Variants in ZBTB21 observed in about 807,000 individuals in gnomAD.
ZBTB21 encodes the protein zinc finger and BTB domain-containing protein 21.
A neutral mutation model predicts 39.8 loss-of-function variants in ZBTB21; 10 were observed. The observed-to-expected ratio is 0.25, with a 90% CI of 0.16 to 0.43. The LOEUF is 0.43. Ranked by LOEUF, ZBTB21 falls within the 20% of genes least tolerant of loss-of-function variation. The probability of loss-of-function intolerance (pLI) is 1.00; values close to 1 mark genes in which losing one functional copy is unlikely to be tolerated. For synonymous variants in ZBTB21, 551 were observed against 498.8 expected, an observed-to-expected ratio of 1.10 and a Z score of -1.40; for missense variants, 1,221 against 1,296.3, an observed-to-expected ratio of 0.94 and a Z score of 0.89.
chr21:42,001,376 G>A (rs1601650335), intron 2 of ZBTB21, among the ~76,000 whole-genome samples: 1 of 152,368 alleles, frequency 6.6e-6, no homozygotes, highest in East Asian at 1.9e-4. Context: ...CATCTGTCTA[G>A]TGTGTGCTAG....
intron 2 of ZBTB21, among the ~76,000 whole-genome samples, chr21:41,999,975 G>T (rs1162363701): frequency 6.6e-6 from 1 of 152,186 alleles, no homozygotes; most frequent in Non-Finnish European, 1.5e-5. Flanking sequence ...CTGTTGTTGA[G>T]ATTAGACAAC....
chr21:41,995,705 G>A (rs2146298837), intron 2 of ZBTB21, among the ~76,000 whole-genome samples: 1 of 152,372 alleles, frequency 6.6e-6, no homozygotes, highest in East Asian at 1.9e-4. Context: ...AATGTCTCCA[G>A]GACATGTCAG....
intron 1 of ZBTB21, among the ~76,000 whole-genome samples, chr21:42,008,311 T>C (rs2065905033): frequency 1.7e-5 from 2 of 120,490 alleles, no homozygotes; most frequent in Non-Finnish European, 3.2e-5. Context: ...CTCAAGGCCA[T>C]CCTGGTCAAC....
At chr21:42,002,472 C>A (rs1286331590) in intron 2 of ZBTB21, 1 of 152,112 alleles carries the variant, frequency 6.6e-6, no homozygotes, top group African/African-American at 2.4e-5. Context: ...TACACCGAAT[C>A]CTCAAAAACT....
chr21:41,998,460 G>A (rs2146311457), intron 2 of ZBTB21, among the ~76,000 whole-genome samples: 1 of 152,200 alleles, frequency 6.6e-6, no homozygotes, highest in South Asian at 2.1e-4. Flanking sequence ...CAAAGTGCTG[G>A]GATTACAGGT....
At chr21:41,996,111 G>A (rs146083976) in intron 2 of ZBTB21, among the ~76,000 whole-genome samples, 3,651 of 152,346 alleles carry the variant, frequency 0.024, 142 homozygotes, top group African/African-American at 0.083. Flanking sequence ...AGGGAAATGT[G>A]GGGTTGAAGC....
In ZBTB21 at chr21:41,993,231, G is replaced by C; in HGVS notation, c.865C>G (p.Pro289Ala). 6.2e-7 allele frequency: 1 copy of C among 1,611,708 alleles called. No individual in the cohort carries two copies. Among genetic ancestry groups the C allele is most frequent in the Non-Finnish European group, 8.5e-7 (1 of 1,180,012 alleles). Residue 289 changes from proline to alanine, a missense_variant, in exon 3 of 3, where the codon CCC (proline) becomes GCC (alanine). This residue lies in a region of ZBTB21 where 500 missense variants were observed against 465.6 expected (regional missense o/e 1.07). Coordinates refer to ENST00000310826, the MANE Select transcript of ZBTB21 (RefSeq NM_001098402.2). The stretch of plus-strand genomic sequence containing the variant: ...TTGTTAGTTTCTTTTAATAGATAGG[G>C]AGTCTCTGATGAGCTACAAACAGAC... ...VLSVCSSSET[P>A]YLLKETNKGN...
At chr21:42,004,465 C>T (rs901461464) in intron 1 of ZBTB21, among the ~76,000 whole-genome samples, 31 of 151,962 alleles carry the variant, frequency 2.0e-4, no homozygotes, top group Non-Finnish European at 7.4e-5. Context: ...GAAAGCAAAG[C>T]GACTTGGCAC....
rs745720780 is a variant in ZBTB21, at chr21:41,991,756, G to A, written c.2340C>T (p.Cys780=). 1 of 1,614,232 alleles carries A rather than the reference G, an allele frequency of 6.2e-7. No individual in the cohort carries two copies. Among genetic ancestry groups the A allele is most frequent in the South Asian group, 1.1e-5 (1 of 91,080 alleles). Residue 780 remains cysteine (C), a synonymous_variant, in exon 3 of 3, where the codon TGC becomes TGT. Coordinates refer to ENST00000310826, the MANE Select transcript of ZBTB21 (RefSeq NM_001098402.2). The surrounding 1 kb of genome is among the most constrained non-coding windows in gnomAD (Gnocchi z 4.9). ...CEYKKLTCLE[C]MRTFKSSFSI... Reference sequence around the variant, plus strand: ...TGAAAGAGGACTTGAAGGTGCGCATGCACTCGAGGCAGGTCAGCTTCTTAT... The same window carrying A: ...TGAAAGAGGACTTGAAGGTGCGCATACACTCGAGGCAGGTCAGCTTCTTAT...
At chr21:42,008,548 AAAAAAAAAAAAAAAGAAAAAAAG>A (rs2065911501) in intron 1 of ZBTB21, among the ~76,000 whole-genome samples, 1 of 132,434 alleles carries the variant, frequency 7.6e-6, no homozygotes. Flanking sequence ...GTCAAAAAAA[AAAAAAAAAAAAAAAGAAAAAAAG>A]AAAAGAAAAG....
chr21:41,990,591 T>G lies in ZBTB21; in HGVS notation c.*304A>C. The G allele has an allele frequency of 5.1e-6, 1 of 196,204 alleles. No homozygotes were observed. Among genetic ancestry groups the G allele is most frequent in the Non-Finnish European group, 1.0e-5 (1 of 97,808 alleles). The allele number at this position is 196,204 out of a possible 1,614,324, so 12.2% of individuals were successfully genotyped here. A position where few individuals can be genotyped will look rare whatever the true frequency, so the allele number is the denominator to read the frequency against. The stretch of plus-strand genomic sequence containing the variant: ...TAAAAAACCAAAAACCTCAATTAAA[T>G]GATTATACTGACACCATGGAATGAG... On this transcript the variant is annotated 3_prime_UTR_variant, in exon 3 of 3. Transcript: ENST00000310826.
chr21:41,990,330 AAG>A lies in ZBTB21; in HGVS notation c.*563_*564del, dbSNP rs1234412374. ...AAATTTCTCACAATTTTCATACAAA[AAG>A]AAGTTTTACATGACCACAAAATACC... On this transcript the variant is annotated 3_prime_UTR_variant, in exon 3 of 3. Transcript: ENST00000310826. The A allele has an allele frequency of 1.3e-5, 2 of 152,650 alleles. No homozygotes were observed. Among genetic ancestry groups the A allele is most frequent in the African/African-American group, 2.4e-5 (1 of 41,452 alleles). 9.5% of individuals were successfully genotyped at this position (152,650 alleles called of 1,614,324 possible).
intron 1 of ZBTB21, among the ~76,000 whole-genome samples, chr21:42,006,246 C>G (rs185652226): frequency 6.6e-6 from 1 of 152,040 alleles, no homozygotes; most frequent in Admixed American, 6.5e-5. Context: ...AATACCCTGT[C>G]TCTACTAAAA....
chr21:42,001,263 A>G (rs899224445), intron 2 of ZBTB21, among the ~76,000 whole-genome samples: 1 of 152,212 alleles, frequency 6.6e-6, no homozygotes, highest in African/African-American at 2.4e-5. Flanking sequence ...TCTGAACTAG[A>G]CAGTGTCATC....
chr21:41,991,738 G>A lies in ZBTB21; in HGVS notation c.2358C>T (p.Ser786=), dbSNP rs1026237869. The change falls in exon 3 of 3, where the codon TCC becomes TCT. Residue 786 remains serine, a synonymous_variant. Coordinates refer to ENST00000310826, the MANE Select transcript of ZBTB21 (RefSeq NM_001098402.2). The surrounding 1 kb of genome is among the most constrained non-coding windows in gnomAD (Gnocchi z 4.9). ...CCTGGTGCCGCCAGATGCTGAAAGA[G>A]GACTTGAAGGTGCGCATGCACTCGA... is the stretch of plus-strand genomic sequence containing the variant. ...TCLECMRTFK[S]SFSIWRHQVE... 6.2e-7 allele frequency: 1 copy of A among 1,614,216 alleles called. No homozygotes were observed. Among genetic ancestry groups the A allele is most frequent in the African/African-American group, 1.3e-5 (1 of 75,044 alleles).
At chr21:41,998,244 T>C (rs1426737912) in intron 2 of ZBTB21, among the ~76,000 whole-genome samples, 4 of 150,664 alleles carry the variant, frequency 2.7e-5, no homozygotes, top group African/African-American at 7.3e-5. Flanking sequence ...CAGGCTGGAG[T>C]GCAATGACTC....
rs2065608059 is a variant in ZBTB21 at position 41,988,524 on chromosome 21, T to C, written c.*2371A>G. 1 of 152,092 alleles carries C rather than the reference T, an allele frequency of 6.6e-6. No individual in the cohort carries two copies. Among genetic ancestry groups the C allele is most frequent in the Admixed American group, 6.5e-5 (1 of 15,270 alleles). 9.4% of individuals were successfully genotyped at this position (152,092 alleles called of 1,614,324 possible). ...TTATTTTACTTCTTAACATTTAAAATAGTTACATGAGTGGAAGCATATTTT... is the reference window on the plus strand; with the variant it reads ...TTATTTTACTTCTTAACATTTAAAACAGTTACATGAGTGGAAGCATATTTT... On this transcript the variant is annotated 3_prime_UTR_variant, in exon 3 of 3. Transcript: ENST00000310826.
In ZBTB21 at chr21:41,993,994, C is replaced by T. The variant is rs2065711820; in HGVS notation, c.102G>A (p.Leu34=). The change falls in exon 3 of 3, where the codon CTG becomes CTA. Residue 34 remains leucine (L), a synonymous_variant. Transcript: ENST00000310826. The part of the protein sequence containing the change: ...RLKGQLCDVL[L]IVGDQKFRAH... ...CTCGGAACTTTTGGTCTCCAACAAT[C>T]AGCAGCACATCACACAGCTGTCCTT... is the stretch of plus-strand genomic sequence containing the variant. The T allele has an allele frequency of 6.2e-7, 1 of 1,614,130 alleles. No homozygotes were observed. Among genetic ancestry groups the T allele is most frequent in the Admixed American group, 1.7e-5 (1 of 60,016 alleles).
intron 1 of ZBTB21, among the ~76,000 whole-genome samples, chr21:42,004,558 T>C (rs558206029): frequency 1.3e-5 from 2 of 152,224 alleles, no homozygotes; most frequent in Admixed American, 1.3e-4. Context: ...CTTGGACTAG[T>C]GTCATAGCTA....
Sources: allele counts gnomAD v4.1 joint callset (sites outside exome capture counted in the v4.1 genomes callset), GRCh38; gene constraint gnomAD v4.1.1; regional missense constraint gnomAD v4.1.1; non-coding constraint Gnocchi (gnomAD v3.1); transcripts MANE v1.5; gene names NCBI Gene and HGNC (gene_info 2026-07-23, HGNC 2026-07-21).